IQCJ: variants seen among roughly 807,000 people sequenced by gnomAD.
IQCJ encodes the protein IQ motif containing J, also known as IQ domain-containing protein J.
Under a neutral mutation model 11.0 loss-of-function variants are expected in IQCJ, and 9 were observed. That is an observed-to-expected ratio of 0.82 (90% CI 0.49 to 1.43). The LOEUF (loss-of-function observed/expected upper bound fraction) is 1.43. IQCJ is among the 40% of genes most tolerant of loss of function. The pLI, the probability that IQCJ is intolerant of heterozygous loss-of-function variation, is 0.00. For synonymous variants in IQCJ, 55 were observed against 51.3 expected, an observed-to-expected ratio of 1.07 and a Z score of -0.31; for missense variants, 146 against 133.2, an observed-to-expected ratio of 1.10 and a Z score of -0.47.
chr3:159,222,700 TAAA>T (rs1180626774), intron 1 of IQCJ, among the ~76,000 whole-genome samples: 1 of 152,026 alleles, frequency 6.6e-6, no homozygotes, highest in Admixed American at 6.6e-5. Context: ...TGCCTAAAAA[TAAA>T]AAAGCAAAAG....
chr3:159,142,296 G>A (rs1316967337), intron 1 of IQCJ, among the ~76,000 whole-genome samples: 1 of 152,172 alleles, frequency 6.6e-6, no homozygotes, highest in Admixed American at 6.5e-5. Flanking sequence ...CTTGAGGTGT[G>A]TACCCAAAGA....
intron 1 of IQCJ, among the ~76,000 whole-genome samples, chr3:159,187,005 G>C (rs2108029071): frequency 6.6e-6 from 1 of 152,298 alleles, no homozygotes; most frequent in Non-Finnish European, 1.5e-5. Flanking sequence ...GTTGGCATTG[G>C]GCATCCAGTC....
chr3:159,106,343 G>T (rs1202841205), intron 1 of IQCJ, among the ~76,000 whole-genome samples: 1 of 152,144 alleles, frequency 6.6e-6, no homozygotes, highest in Non-Finnish European at 1.5e-5. Context: ...CATGAGAGTT[G>T]TCTGTATAAA....
chr3:159,262,643 G>A lies in IQCJ; in HGVS notation c.251G>A (p.Ser84Asn). 1 of 1,614,006 alleles carries A rather than the reference G, an allele frequency of 6.2e-7. No individual in the cohort carries two copies. Among genetic ancestry groups the A allele is most frequent in the African/African-American group, 1.3e-5 (1 of 75,046 alleles). The change falls in exon 4 of 4, where the codon AGC becomes AAC. Residue 84 changes from serine (S) to asparagine (N), a missense_variant. Physicochemically the swap from Ser to Asn is conservative, Grantham distance 46 (BLOSUM62 1). Coordinates refer to ENST00000397832, the MANE Select transcript of IQCJ (RefSeq NM_001042706.3). ...PPSVSSEKLS[S>N]SVSMNTFSDS... ...TCTGTCTCCTCAGAGAAGCTGAGCA[G>A]CTCTGTCAGCATGAACACCTTCTCC...
At chr3:159,087,416 G>A (rs368731672) in intron 1 of IQCJ, among the ~76,000 whole-genome samples, 8 of 147,054 alleles carry the variant, frequency 5.4e-5, no homozygotes, top group East Asian at 2.0e-4. Flanking sequence ...TTGGTATCAG[G>A]ATGATGCTGG....
chr3:159,085,028 T>A (rs1716618141), intron 1 of IQCJ, among the ~76,000 whole-genome samples: 1 of 152,050 alleles, frequency 6.6e-6, no homozygotes, highest in Middle Eastern at 3.2e-3. Flanking sequence ...TAACTCGTCA[T>A]CTAGCATTAG....
intron 1 of IQCJ, among the ~76,000 whole-genome samples, chr3:159,091,848 A>G (rs558443726): frequency 6.6e-6 from 1 of 151,970 alleles, no homozygotes; most frequent in East Asian, 1.9e-4. Flanking sequence ...CTAAAAAGAA[A>G]GAGAAAGGAG....
chr3:159,077,315 T>A (rs1032311347), intron 1 of IQCJ, among the ~76,000 whole-genome samples: 1 of 152,160 alleles, frequency 6.6e-6, no homozygotes, highest in Non-Finnish European at 1.5e-5. Flanking sequence ...CAACACTTGA[T>A]TAGCACCTCC....
rs150054732 is a variant in IQCJ at position 159,209,553 on chromosome 3, A to G, written c.10-36290A>G. On this transcript the variant is annotated intron_variant, in intron 1 of 3. Coordinates refer to ENST00000397832, the MANE Select transcript of IQCJ (RefSeq NM_001042706.3). ...CTGGTTAACACTTAGCTATCCACAA[A>G]CAGCAACTGCTAAAAGGGCACTGCT... Among the ~76,000 whole-genome samples the G allele has an allele frequency of 7.1e-3, 1,077 of 152,172 alleles. 12 individuals carry two copies. The highest frequency in any genetic ancestry group is 0.01 in the Middle Eastern group (3 of 294).
chr3:159,203,675 G>A (rs535492505), intron 1 of IQCJ, among the ~76,000 whole-genome samples: 122 of 152,160 alleles, frequency 8.0e-4, no homozygotes, highest in African/African-American at 2.4e-3. Context: ...AGAGAGAAGC[G>A]GGGAGGTGGG....
Position 159,091,886 on chromosome 3 carries a change from CA to C in IQCJ, c.9+22446del, listed in dbSNP as rs1717336369. On this transcript the variant is annotated intron_variant, in intron 1 of 3. Transcript: ENST00000397832. Reference sequence around the variant, plus strand: ...AAGAGTGGTGCAGAAAGCTATGCTTCATAGAATTTCAGCTAATAAATGTAGA... The same window carrying C: ...AAGAGTGGTGCAGAAAGCTATGCTTCTAGAATTTCAGCTAATAAATGTAGA... 5.3e-5 allele frequency among the ~76,000 whole-genome samples: 8 copies of C among 151,564 alleles called. No individual in the cohort carries two copies. In the South Asian group the frequency reaches 1.5e-3, roughly 28 times the overall value.
At chr3:159,244,729 G>A (rs777431254) in intron 1 of IQCJ, among the ~76,000 whole-genome samples, 10 of 152,184 alleles carry the variant, frequency 6.6e-5, no homozygotes, top group Non-Finnish European at 1.0e-4. Flanking sequence ...AATGCAGTAT[G>A]GGTTTAAGAG....
At chr3:159,111,076 G>A (rs1022468345) in intron 1 of IQCJ, among the ~76,000 whole-genome samples, 1 of 152,186 alleles carries the variant, frequency 6.6e-6, no homozygotes, top group Non-Finnish European at 1.5e-5. Context: ...TCTGGCTGCA[G>A]GCCTCCTGCT....
At chr3:159,218,507 T>G (rs1725359219) in intron 1 of IQCJ, among the ~76,000 whole-genome samples, 1 of 152,034 alleles carries the variant, frequency 6.6e-6, no homozygotes, top group African/African-American at 2.4e-5. Flanking sequence ...TGTCAGAAGT[T>G]TTTTGAACCA....
At chr3:159,074,862 A>G (rs1227436828) in intron 1 of IQCJ, among the ~76,000 whole-genome samples, 1 of 152,102 alleles carries the variant, frequency 6.6e-6, no homozygotes. Flanking sequence ...TGCCCAGCAG[A>G]GGCTGACAAG....
At chr3:159,123,518 A>AGCTT (rs1719499155) in intron 1 of IQCJ, among the ~76,000 whole-genome samples, 1 of 151,232 alleles carries the variant, frequency 6.6e-6, no homozygotes, top group South Asian at 2.1e-4. Flanking sequence ...GGTGGTTTGG[A>AGCTT]GCTTGATTGG....
At chr3:159,214,030 G>A (rs562436984) in intron 1 of IQCJ, among the ~76,000 whole-genome samples, 1 of 152,168 alleles carries the variant, frequency 6.6e-6, no homozygotes, top group South Asian at 2.1e-4. Flanking sequence ...CACTTTCCCT[G>A]GGAAATCCTA....
chr3:159,157,565 T>C (rs1221809389), intron 1 of IQCJ, among the ~76,000 whole-genome samples: 1 of 152,216 alleles, frequency 6.6e-6, no homozygotes, highest in African/African-American at 2.4e-5. Context: ...ATGTTTTGAA[T>C]AGATGTTACA....
chr3:159,139,644 G>A (rs1720488933), intron 1 of IQCJ, among the ~76,000 whole-genome samples: 1 of 152,214 alleles, frequency 6.6e-6, no homozygotes, highest in Non-Finnish European at 1.5e-5. Flanking sequence ...CAGGAGAAAT[G>A]CCCTGTGGGC....
Sources: gnomAD v4.1 joint callset for allele counts (sites outside exome capture counted in the v4.1 genomes callset) on GRCh38, gnomAD v4.1.1 for gene constraint, MANE v1.5 for transcripts, NCBI Gene and HGNC (gene_info 2026-07-23, HGNC 2026-07-21) for gene names.